The following RFX7 variants were observed in gnomAD, a reference collection of about 807,000 sequenced individuals.
RFX7 encodes regulatory factor X7, also known as DNA-binding protein RFX7.
RFX7 carries 26 observed loss-of-function variants against 111.8 expected under a neutral mutation model. That is an observed-to-expected ratio of 0.23 (90% CI 0.17 to 0.32). RFX7 has a LOEUF of 0.32. RFX7 is among the 10% of genes least tolerant of loss of function. RFX7 has a pLI of 1.00. For synonymous variants in RFX7, 624 were observed against 624.4 expected (o/e 1.00, Z 0.01); for missense variants, 1,573 against 1,772.9 (o/e 0.89, Z 2.02).
intron 3 of RFX7, among the ~76,000 whole-genome samples, chr15:56,148,179 C>CT (rs2042510989): frequency 1.3e-5 from 2 of 152,176 alleles, no homozygotes; most frequent in African/African-American, 4.8e-5. Context: ...AAAAAGGAAT[C>CT]TTTGAACTCA....
At chr15:56,130,282 T>A (rs1328656245) in intron 5 of RFX7, among the ~76,000 whole-genome samples, 2 of 152,140 alleles carry the variant, frequency 1.3e-5, no homozygotes, top group Admixed American at 1.3e-4. Flanking sequence ...TTTTAAAAAT[T>A]GATAATTTGT....
At chr15:56,217,594 T>G (rs1009750735) in intron 2 of RFX7, among the ~76,000 whole-genome samples, 1 of 152,240 alleles carries the variant, frequency 6.6e-6, no homozygotes, top group Non-Finnish European at 1.5e-5. Flanking sequence ...AGACTTTATA[T>G]CCTTCATAAT....
chr15:56,129,473 G>A (rs1213022673), intron 5 of RFX7, among the ~76,000 whole-genome samples: 6 of 151,844 alleles, frequency 4.0e-5, no homozygotes, highest in South Asian at 2.1e-4. Context: ...AAAAGTGATT[G>A]TCTTTATTCT....
At chr15:56,114,022 T>A (rs1323717268) in intron 5 of RFX7, among the ~76,000 whole-genome samples, 2 of 152,344 alleles carry the variant, frequency 1.3e-5, no homozygotes, top group African/African-American at 4.8e-5. Flanking sequence ...AAAGTTGTTG[T>A]AATCCTCCCT....
intron 2 of RFX7, among the ~76,000 whole-genome samples, chr15:56,240,824 G>A (rs1217265670): frequency 6.6e-6 from 1 of 151,990 alleles, no homozygotes; most frequent in Non-Finnish European, 1.5e-5. Flanking sequence ...TCAAAAATGT[G>A]AAATATCTAA....
At chr15:56,193,714 G>A (rs1225948407) in intron 2 of RFX7, among the ~76,000 whole-genome samples, 1 of 152,088 alleles carries the variant, frequency 6.6e-6, no homozygotes, top group Non-Finnish European at 1.5e-5. Flanking sequence ...ATATAAAGTA[G>A]TAGGGAAGAG....
chr15:56,135,006 G>A (rs533423794), intron 5 of RFX7, among the ~76,000 whole-genome samples: 130 of 152,222 alleles, frequency 8.5e-4, no homozygotes, highest in African/African-American at 2.9e-3. Flanking sequence ...TCTTAATCCG[G>A]TCTATCATTG....
intron 2 of RFX7, among the ~76,000 whole-genome samples, chr15:56,202,517 G>T (rs1390413971): frequency 6.6e-6 from 1 of 152,162 alleles, no homozygotes; most frequent in East Asian, 1.9e-4. Context: ...ATACTTAAAA[G>T]TTTGGGCCAG....
intron 2 of RFX7, among the ~76,000 whole-genome samples, chr15:56,184,455 G>A (rs1225695521): frequency 6.6e-6 from 1 of 151,170 alleles, no homozygotes; most frequent in Non-Finnish European, 1.5e-5. Flanking sequence ...TAATTACTTT[G>A]GCTAAAATCT....
intron 2 of RFX7, among the ~76,000 whole-genome samples, chr15:56,227,704 T>C (rs972005996): frequency 1.3e-5 from 2 of 152,194 alleles, no homozygotes; most frequent in Non-Finnish European, 2.9e-5. Context: ...CCATGAGCTG[T>C]ACTCAATGAA....
chr15:56,229,141 T>C (rs1260416714), intron 2 of RFX7, among the ~76,000 whole-genome samples: 1 of 152,194 alleles, frequency 6.6e-6, no homozygotes, highest in African/African-American at 2.4e-5. Context: ...GTATTTTCCA[T>C]TTAATATTTT....
intron 2 of RFX7, among the ~76,000 whole-genome samples, chr15:56,207,659 T>C (rs1183939859): frequency 6.6e-6 from 1 of 152,076 alleles, no homozygotes; most frequent in Non-Finnish European, 1.5e-5. Context: ...GAAAAACTGA[T>C]AAATTGGACT....
At chr15:56,154,787 T>C (rs1212107273) in intron 3 of RFX7, among the ~76,000 whole-genome samples, 2 of 152,120 alleles carry the variant, frequency 1.3e-5, no homozygotes, top group African/African-American at 4.8e-5. Flanking sequence ...AAGTGAGATA[T>C]AATTAAAACT....
At chr15:56,154,947 C>T (rs943510167) in intron 3 of RFX7, among the ~76,000 whole-genome samples, 1 of 152,032 alleles carries the variant, frequency 6.6e-6, no homozygotes, top group African/African-American at 2.4e-5. Flanking sequence ...AAAAACAACC[C>T]CATCAAAAAA....
At chr15:56,221,561 AATT>A (rs561598274) in intron 2 of RFX7, among the ~76,000 whole-genome samples, 224 of 152,312 alleles carry the variant, frequency 1.5e-3, no homozygotes, top group East Asian at 1.2e-3. Context: ...CATTTAAAGT[AATT>A]ATTAATGATT....
intron 2 of RFX7, among the ~76,000 whole-genome samples, chr15:56,221,702 T>A (rs1335677325): frequency 6.6e-6 from 1 of 152,162 alleles, no homozygotes; most frequent in Non-Finnish European, 1.5e-5. Context: ...CTGTACCACT[T>A]TGACAATTGC....
At chr15:56,235,011 T>A (rs2043607261) in intron 2 of RFX7, among the ~76,000 whole-genome samples, 1 of 152,136 alleles carries the variant, frequency 6.6e-6, no homozygotes. Flanking sequence ...GATCTTAAAG[T>A]TAGACACTTA....
chr15:56,094,604 A>C lies in RFX7; in HGVS notation c.3124T>G (p.Ser1042Ala), dbSNP rs755466869. The C allele has an allele frequency of 6.2e-7, 1 of 1,613,840 alleles. No homozygotes were observed. The highest frequency in any genetic ancestry group is 8.5e-7 in the Non-Finnish European group (1 of 1,179,882). Residue 1042 changes from serine to alanine, a missense_variant, in exon 10 of 10, where the codon TCA (serine) becomes GCA (alanine). Ser to Ala is a moderately conservative substitution (Grantham distance 99). This residue lies in a region of RFX7 where 32 missense variants were observed against 67.7 expected (regional missense o/e 0.47). Coordinates refer to ENST00000559447, the MANE Select transcript of RFX7 (RefSeq NM_022841.7). ...SMAYHDASIV[S>A]SSPVKPMQRP... ...TGCATCGGTTTCACAGGACTACTTG[A>C]GACAATGCTGGCGTCATGATATGCC...
At chr15:56,125,774 C>T (rs76112863) in intron 5 of RFX7, among the ~76,000 whole-genome samples, 1,871 of 152,116 alleles carry the variant, frequency 0.012, 41 homozygotes, top group African/African-American at 0.041. Flanking sequence ...AAACATTAAA[C>T]GTTAAGGACT....
Sources: gnomAD v4.1 joint callset for allele counts (sites outside exome capture counted in the v4.1 genomes callset) on GRCh38, gnomAD v4.1.1 for gene constraint, gnomAD v4.1.1 regional missense constraint, MANE v1.5 for transcripts, NCBI Gene and HGNC (gene_info 2026-07-23, HGNC 2026-07-21) for gene names.